The following ZNF507 variants were observed in gnomAD, a reference collection of about 807,000 sequenced individuals.
ZNF507 encodes the protein zinc finger protein 507.
In ZNF507, 29 loss-of-function variants were observed where a neutral mutation model predicts 80.0. The observed-to-expected ratio is 0.36, with a 90% CI of 0.27 to 0.49. The LOEUF (loss-of-function observed/expected upper bound fraction) is 0.49, where lower values mean the gene tolerates loss of function less well. ZNF507 is among the 20% of genes least tolerant of loss of function. ZNF507 has a pLI of 0.98. For missense variants in ZNF507, 1,081 were observed against 1,152.2 expected, an observed-to-expected ratio of 0.94 and a Z score of 0.90; for synonymous variants, 462 against 422.5, an observed-to-expected ratio of 1.09 and a Z score of -1.15.
At chr19:32,365,351 T>C (rs1471503732) in intron 5 of ZNF507, among the ~76,000 whole-genome samples, 2 of 152,220 alleles carry the variant, frequency 1.3e-5, no homozygotes, top group Non-Finnish European at 2.9e-5. Flanking sequence ...TAGATACAGC[T>C]ATTTATCTTT....
rs959902517 is a variant in ZNF507, at chr19:32,386,778, A to C, written c.*3695A>C. The stretch of plus-strand genomic sequence containing the variant: ...ATACTGTACAATGTTAGAATAATTT[A>C]TTTTGCTTTACAGGAGTTTGTCATG... On this transcript the variant is annotated 3_prime_UTR_variant, in exon 7 of 7. Transcript: ENST00000355898. 2.6e-5 allele frequency: 4 copies of C among 152,530 alleles called. No individual in the cohort carries two copies. The highest frequency in any genetic ancestry group is 5.9e-5 in the Non-Finnish European group (4 of 68,020). The allele number at this position is 152,530 out of a possible 1,614,324, so 9.4% of individuals were successfully genotyped here.
intron 5 of ZNF507, chr19:32,382,166 T>C (rs1967631745): frequency 7.9e-6 from 2 of 254,288 alleles, no homozygotes; most frequent in South Asian, 2.3e-4. Context: ...TTTTGCATAT[T>C]ACTACATCAA....
chr19:32,352,752 C>G, intron 2 of ZNF507, 77 bp from the exon 3 acceptor site: 1 of 1,302,184 alleles, frequency 7.7e-7, no homozygotes, highest in South Asian at 1.5e-5. Context: ...CACTAACATT[C>G]TCTTATATTT....
intron 5 of ZNF507, among the ~76,000 whole-genome samples, chr19:32,366,018 T>A (rs887105884): frequency 2.0e-5 from 3 of 152,244 alleles, no homozygotes; most frequent in Non-Finnish European, 4.4e-5. Context: ...CTTTTCTTCC[T>A]TAAGTAGAAT....
At chr19:32,352,194 A>G (rs1218926402) in intron 2 of ZNF507, among the ~76,000 whole-genome samples, 1 of 152,204 alleles carries the variant, frequency 6.6e-6, no homozygotes, top group Non-Finnish European at 1.5e-5. Context: ...AAAAGTAGGA[A>G]CTAGATTATT....
At chr19:32,360,715 C>A in intron 5 of ZNF507, 97 bp downstream of exon 5, 1 of 582,292 alleles carries the variant, frequency 1.7e-6, no homozygotes, top group Non-Finnish European at 2.7e-6. Flanking sequence ...TACTGAAACA[C>A]AGGTTAAGAA....
chr19:32,366,157 C>T lies in ZNF507; in HGVS notation c.2360+5539C>T, dbSNP rs149661751. Among the ~76,000 whole-genome samples the T allele has an allele frequency of 8.7e-4, 133 of 152,140 alleles. 1 individual carries two copies. In the Middle Eastern group the frequency reaches 0.014, roughly 16 times the overall value. On this transcript the variant is annotated intron_variant, in intron 5 of 6. Coordinates refer to ENST00000355898, the MANE Select transcript of ZNF507 (RefSeq NM_001136156.2). ...TATTGAGAACCAAACAAGGTCCAGC[C>T]GCTCTATTAAGAGAGTATCTTAAGT...
In ZNF507 at chr19:32,353,360, A is replaced by T; in HGVS notation, c.530A>T (p.Asp177Val). ...GAACTTGAAGCCCACGTGGTGAATG[A>T]CCATGACAATGATGCCAATATCCAC... ...QEELEAHVVN[D>V]HDNDANIHTQ... is the part of the protein sequence containing the mutation. The change falls in exon 3 of 7, where the codon GAC becomes GTC. Residue 177 changes from aspartate (D) to valine (V), a missense_variant. Asp to Val is a radical substitution (Grantham distance 152, BLOSUM62 -3). This residue lies in a region of ZNF507 where 275 missense variants were observed against 303.9 expected (regional missense o/e 0.90). Transcript: ENST00000355898. The T allele has an allele frequency of 1.2e-6, 2 of 1,614,234 alleles. No individual in the cohort carries two copies. The highest frequency in any genetic ancestry group is 2.7e-5 in the African/African-American group (2 of 75,064).
chr19:32,361,263 A>G (rs1473458297), intron 5 of ZNF507, among the ~76,000 whole-genome samples: 1 of 152,218 alleles, frequency 6.6e-6, no homozygotes. Context: ...CCCAAAAGCA[A>G]ATTCAGATAT....
chr19:32,383,039 A>G lies in ZNF507; in HGVS notation c.2818A>G (p.Ile940Val), dbSNP rs778475269. Residue 940 changes from isoleucine (I) to valine (V), a missense_variant, in exon 7 of 7, where the codon ATC becomes GTC. By Grantham distance (29) the Ile-to-Val change is conservative. Transcript: ENST00000355898. ...MKEHEGEIVNIILNKDHNTAL... is the reference protein window; with the variant it reads ...MKEHEGEIVNVILNKDHNTAL... ...AGAGCACGAGGGTGAAATTGTAAAC[A>G]TCATCCTGAATAAGGACCACAATAC... 1.9e-6 allele frequency: 3 copies of G among 1,614,032 alleles called. No homozygotes were observed. The highest frequency in any genetic ancestry group is 2.5e-6 in the Non-Finnish European group (3 of 1,179,998).
chr19:32,347,822 TTA>T (rs1391148505), intron 2 of ZNF507, among the ~76,000 whole-genome samples: 1 of 152,186 alleles, frequency 6.6e-6, no homozygotes, highest in African/African-American at 2.4e-5. Context: ...TAGTTAGACC[TTA>T]TGTCTTCATT....
Position 32,352,885 on chromosome 19 carries a change from G to A in ZNF507, c.55G>A (p.Ala19Thr), listed in dbSNP as rs1350023197. 5.0e-6 allele frequency: 8 copies of A among 1,610,708 alleles called. No homozygotes were observed. Among genetic ancestry groups the A allele is most frequent in the Non-Finnish European group, 6.8e-6 (8 of 1,179,110 alleles). ...GGTGCCAGATATTGGGGAACAGGAA[G>A]CTATACTGACTGCTGAAAGTATCAT... ...MLVPDIGEQE[A>T]ILTAESIISP... is the part of the protein sequence containing the mutation. The change falls in exon 3 of 7, where the codon GCT becomes ACT. Residue 19 changes from alanine to threonine, a missense_variant. Physicochemically the swap from Ala to Thr is moderately conservative, Grantham distance 58 (BLOSUM62 0). Around this residue, in one of 6 missense-constraint regions of ZNF507, gnomAD observed 275 missense variants for 303.9 expected, o/e 0.90. Coordinates refer to ENST00000355898, the MANE Select transcript of ZNF507 (RefSeq NM_001136156.2).
chr19:32,384,563 T>C lies in ZNF507; in HGVS notation c.*1480T>C, dbSNP rs903572089. ...GCTGTGACCGATCAACTTGGAACACTGTAAAGGTTTTCGAATGGGATACGC... is the reference window on the plus strand; with the variant it reads ...GCTGTGACCGATCAACTTGGAACACCGTAAAGGTTTTCGAATGGGATACGC... On this transcript the variant is annotated 3_prime_UTR_variant, in exon 7 of 7. Transcript: ENST00000355898. The C allele has an allele frequency of 6.6e-6, 1 of 152,200 alleles. No individual in the cohort carries two copies. Among genetic ancestry groups the C allele is most frequent in the Admixed American group, 6.5e-5 (1 of 15,280 alleles). 9.4% of individuals were successfully genotyped at this position (152,200 alleles called of 1,614,324 possible).
At chr19:32,369,686 A>G (rs180731594) in intron 5 of ZNF507, among the ~76,000 whole-genome samples, 84 of 152,088 alleles carry the variant, frequency 5.5e-4, no homozygotes, top group African/African-American at 1.6e-3. Context: ...TAACAATATG[A>G]TGTATAAGAT....
intron 1 of ZNF507, among the ~76,000 whole-genome samples, chr19:32,346,091 G>T (rs1402868317): frequency 1.3e-5 from 2 of 152,204 alleles, no homozygotes; most frequent in African/African-American, 4.8e-5. Flanking sequence ...GCAAATGTGA[G>T]ATCGCTTAGG....
In ZNF507 at chr19:32,383,091, A is replaced by G. The variant is rs768769195; in HGVS notation, c.*8A>G. The G allele has an allele frequency of 6.2e-7, 1 of 1,606,668 alleles. No homozygotes were observed. The highest frequency in any genetic ancestry group is 8.5e-7 in the Non-Finnish European group (1 of 1,174,334). The stretch of plus-strand genomic sequence containing the variant: ...GCTCTAAACACAAATTAGGTGGAAT[A>G]ATGACTCGAGCAGGAAAGCAGTAGA... On this transcript the variant is annotated 3_prime_UTR_variant, in exon 7 of 7. Coordinates refer to ENST00000355898, the MANE Select transcript of ZNF507 (RefSeq NM_001136156.2).
At chr19:32,366,256 G>A (rs1353319291) in intron 5 of ZNF507, among the ~76,000 whole-genome samples, 1 of 151,962 alleles carries the variant, frequency 6.6e-6, no homozygotes, top group Non-Finnish European at 1.5e-5. Flanking sequence ...CCTGAAAATT[G>A]CATAAATCAT....
chr19:32,367,303 C>T (rs1468825405), intron 5 of ZNF507, among the ~76,000 whole-genome samples: 1 of 152,180 alleles, frequency 6.6e-6, no homozygotes, highest in African/African-American at 2.4e-5. Flanking sequence ...GTCGCCTCTG[C>T]CCAGGCTTTA....
Position 32,353,781 on chromosome 19 carries a change from C to T in ZNF507, c.951C>T (p.His317=). The change falls in exon 3 of 7, where the codon CAC becomes CAT. Residue 317 remains histidine, a synonymous_variant. Transcript: ENST00000355898. ...IAIGESELSI[H]NGPSVQVQIC... is the part of the protein sequence containing the mutation. ...TTGGAGAGAGTGAACTGAGTATCCA[C>T]AATGGGCCATCAGTGCAAGTGCAGA... 1.2e-6 allele frequency: 2 copies of T among 1,614,178 alleles called. No homozygotes were observed. The highest frequency in any genetic ancestry group is 1.1e-5 in the South Asian group (1 of 91,076).
Sources: allele counts gnomAD v4.1 joint callset (sites outside exome capture counted in the v4.1 genomes callset), GRCh38; gene constraint gnomAD v4.1.1; regional missense constraint gnomAD v4.1.1; transcripts MANE v1.5; gene names NCBI Gene and HGNC (gene_info 2026-07-23, HGNC 2026-07-21).